The following PCDH19 variants were observed in gnomAD, a reference collection of about 807,000 sequenced individuals.
PCDH19 encodes protocadherin 19.
Under a neutral mutation model 46.2 loss-of-function variants are expected in PCDH19, and 6 were observed. That is an observed-to-expected ratio of 0.13 (90% CI 0.07 to 0.26). The LOEUF (loss-of-function observed/expected upper bound fraction) is 0.26, where lower values mean the gene tolerates loss of function less well. Ranked by LOEUF, PCDH19 falls within the 10% of genes least tolerant of loss-of-function variation. The probability of loss-of-function intolerance (pLI) is 1.00; values close to 1 mark genes in which losing one functional copy is unlikely to be tolerated. For missense variants in PCDH19, 740 were observed against 972.3 expected (o/e 0.76, Z 3.18); for synonymous variants, 481 against 415.7 (o/e 1.16, Z -1.91).
intron 3 of PCDH19, among the ~76,000 whole-genome samples, chrX:100,396,925 C>A (rs1050340818): frequency 8.9e-6 from 1 of 112,100 alleles, no homozygotes; most frequent in African/African-American, 3.2e-5. Flanking sequence ...TTCAGGGTTA[C>A]TTTTGACCCT....
At chrX:100,333,262 A>T (rs948931386) in intron 5 of PCDH19, among the ~76,000 whole-genome samples, 1 of 110,121 alleles carries the variant, frequency 9.1e-6, no homozygotes, top group Non-Finnish European at 1.9e-5. Context: ...AAAGTCCCAC[A>T]AAACAACTTG....
chrX:100,370,992 CATGTGTGT>C (rs1276774004), intron 3 of PCDH19, among the ~76,000 whole-genome samples: 2 of 43,117 alleles, frequency 4.6e-5, no homozygotes, highest in East Asian at 1.1e-3. Flanking sequence ...AGTGTGTGTG[CATGTGTGT>C]GTGTGTGTGT....
At chrX:100,377,658 A>G (rs1311783367) in intron 3 of PCDH19, among the ~76,000 whole-genome samples, 1 of 111,953 alleles carries the variant, frequency 8.9e-6, no homozygotes, top group Admixed American at 9.5e-5. Flanking sequence ...TGTGCAGGAG[A>G]AGTGAATCTG....
chrX:100,366,161 TTG>T (rs1927066045), intron 3 of PCDH19, among the ~76,000 whole-genome samples: 1 of 112,298 alleles, frequency 8.9e-6, no homozygotes, highest in African/African-American at 3.2e-5. Context: ...ACTTGCTTTG[TTG>T]CCACTTAAAT....
At chrX:100,344,151 A>T in intron 4 of PCDH19, among the ~76,000 whole-genome samples, 1 of 112,302 alleles carries the variant, frequency 8.9e-6, no homozygotes, top group South Asian at 3.7e-4. Context: ...TATTTTCAGA[A>T]AGAATAACTG....
intron 3 of PCDH19, among the ~76,000 whole-genome samples, chrX:100,371,134 C>A (rs5966697): frequency 0.29 from 32,212 of 109,789 alleles, 3,676 homozygotes; most frequent in Non-Finnish European, 0.35. Flanking sequence ...ATCACAAATT[C>A]ACAGATCCCT....
At chrX:100,350,736 C>A (rs375729048) in intron 3 of PCDH19, 32 bp from the exon 4 acceptor site, 1 of 933,018 alleles carries the variant, frequency 1.1e-6, no homozygotes, top group East Asian at 3.1e-5. Flanking sequence ...AAAAAGGTTA[C>A]ACAGATGATT....
chrX:100,356,777 A>T (rs112488916), intron 3 of PCDH19, among the ~76,000 whole-genome samples: 32,004 of 82,399 alleles, frequency 0.39, 4,356 homozygotes, highest in East Asian at 0.74. Context: ...TCTCTCTCAC[A>T]CACACACACT....
rs747260366 is a variant in PCDH19, at chrX:100,296,441, C to T, written c.3283G>A (p.Glu1095Lys). Residue 1095 changes from glutamate (E) to lysine (K), a missense_variant, in exon 6 of 6, where the codon GAG becomes AAG. Around this residue, in one of 5 missense-constraint regions of PCDH19, gnomAD observed 416 missense variants for 476.8 expected, o/e 0.87. Transcript: ENST00000373034. Reference sequence around the variant, plus strand: ...TTGTTGACATTGTTGACATACTGCTCCAGATCACGGGCTGGGGGAGCCAGG... The same window carrying T: ...TTGTTGACATTGTTGACATACTGCTTCAGATCACGGGCTGGGGGAGCCAGG... ...IALAPPARDL[E>K]QYVNNVNNGP... The T allele has an allele frequency of 8.3e-7, 1 of 1,209,366 alleles. No individual in the cohort carries two copies. The highest frequency in any genetic ancestry group is 1.1e-6 in the Non-Finnish European group (1 of 895,093).
Position 100,410,213 on chromosome X carries a change from C to T in PCDH19, c.-1616G>A, listed in dbSNP as rs765502363. The T allele has an allele frequency of 5.8e-4, 170 of 295,181 alleles. No individual in the cohort carries two copies. The highest frequency in any genetic ancestry group is 4.4e-3 in the African/African-American group (161 of 36,290). The allele number at this position is 295,181 out of a possible 1,213,427, so 24.3% of individuals were successfully genotyped here. A position where few individuals can be genotyped will look rare whatever the true frequency, so the allele number is the denominator to read the frequency against. ...CCGTCTGTGCCCGCTCGTCCGTCTC[C>T]GCGCTGCGCCAGCCGCCGCCGCTAC... On this transcript the variant is annotated 5_prime_UTR_variant, in exon 1 of 6. Transcript: ENST00000373034.
chrX:100,356,717 T>C (rs5921554), intron 3 of PCDH19, among the ~76,000 whole-genome samples: 32,204 of 108,473 alleles, frequency 0.3, 4,395 homozygotes, highest in East Asian at 0.65. Context: ...TAACCACTTA[T>C]TGTCAGTTGT....
chrX:100,369,219 C>G (rs1307277135), intron 3 of PCDH19, among the ~76,000 whole-genome samples: 1 of 111,289 alleles, frequency 9.0e-6, no homozygotes, highest in Non-Finnish European at 1.9e-5. Context: ...CAAGGTTTTT[C>G]CAAGATATTA....
chrX:100,336,068 G>A (rs923586779), intron 5 of PCDH19, among the ~76,000 whole-genome samples: 2 of 112,171 alleles, frequency 1.8e-5, no homozygotes, highest in Admixed American at 9.5e-5. Context: ...CTTTGTTCAC[G>A]TAAAGATAAA....
At position 100,406,681 on chromosome X, in the gene PCDH19, C is replaced by T. The variant is rs762785195; in HGVS notation, c.1917G>A (p.Glu639=). The part of the protein sequence containing the change: ...TFGESSKSSY[E]LIVVAHDHGK... ...CGTGGTCGTGAGCCACCACGATAAG[C>T]TCATAGGAGGACTTGGAGCTCTCCC... is the stretch of plus-strand genomic sequence containing the variant. The change falls in exon 1 of 6, where the codon GAG becomes GAA. Residue 639 remains glutamate (E), a synonymous_variant. Transcript: ENST00000373034. 2 of 1,209,866 alleles carry T rather than the reference C, an allele frequency of 1.7e-6. No homozygotes were observed. Among genetic ancestry groups the T allele is most frequent in the African/African-American group, 3.5e-5 (2 of 57,130 alleles).
At chrX:100,323,784 T>C (rs1261797197) in intron 5 of PCDH19, among the ~76,000 whole-genome samples, 2 of 111,359 alleles carry the variant, frequency 1.8e-5, no homozygotes, top group African/African-American at 6.5e-5. Flanking sequence ...TCAATGTCAT[T>C]AAAAATTATT....
At chrX:100,318,837 T>C (rs1389393923) in intron 5 of PCDH19, among the ~76,000 whole-genome samples, 1 of 110,916 alleles carries the variant, frequency 9.0e-6, no homozygotes, top group East Asian at 2.9e-4. Flanking sequence ...CAGATAGATA[T>C]AGTGGCACTG....
intron 3 of PCDH19, among the ~76,000 whole-genome samples, chrX:100,395,132 C>T (rs1005525383): frequency 2.7e-5 from 3 of 111,510 alleles, no homozygotes; most frequent in Non-Finnish European, 5.7e-5. Flanking sequence ...CGTGATCCGC[C>T]CGCCTCGGCC....
At position 100,296,496 on chromosome X, in the gene PCDH19, G is replaced by A. The variant is rs759007349; in HGVS notation, c.3228C>T (p.Pro1076=). ...TSPLHLKSSL[P]TKPSVSYTIA... is the part of the protein sequence containing the mutation. ...TGGTGTAAGACACGGAAGGCTTGGT[G>A]GGCAGAGAGCTCTTGAGGTGGAGGG... The change falls in exon 6 of 6, where the codon CCC becomes CCT. Residue 1076 remains proline, a synonymous_variant. Coordinates refer to ENST00000373034, the MANE Select transcript of PCDH19 (RefSeq NM_001184880.2). The A allele has an allele frequency of 1.9e-5, 23 of 1,211,323 alleles. No individual in the cohort carries two copies. The highest frequency in any genetic ancestry group is 2.6e-5 in the Non-Finnish European group (23 of 895,237).
In PCDH19 at chrX:100,408,657, G is replaced by C; in HGVS notation, c.-60C>G. 1.0e-6 allele frequency: 1 copy of C among 998,843 alleles called. No individual in the cohort carries two copies. The highest frequency in any genetic ancestry group is 2.6e-5 in the Admixed American group (1 of 38,389). The allele number at this position is 998,843 out of a possible 1,213,427, so 82.3% of individuals were successfully genotyped here. A position where few individuals can be genotyped will look rare whatever the true frequency, so the allele number is the denominator to read the frequency against. On this transcript the variant is annotated 5_prime_UTR_variant, in exon 1 of 6. Coordinates refer to ENST00000373034, the MANE Select transcript of PCDH19 (RefSeq NM_001184880.2). ...ACACCCCTCCGAGACCGACGCCGTC[G>C]GCGCTCCAGCTTCCCGCCGGCTCGG...
Sources: allele counts gnomAD v4.1 joint callset (sites outside exome capture counted in the v4.1 genomes callset), GRCh38; gene constraint gnomAD v4.1.1; regional missense constraint gnomAD v4.1.1; transcripts MANE v1.5; gene names NCBI Gene and HGNC (gene_info 2026-07-23, HGNC 2026-07-21).